The following SMARCB1 variants were observed in gnomAD, a reference collection of about 807,000 sequenced individuals.
SMARCB1 encodes SWI/SNF-related matrix-associated actin-dependent regulator of chromatin subfamily B member 1.
SMARCB1 carries 5 observed loss-of-function variants against 49.0 expected under a neutral mutation model. The ratio of observed to expected loss-of-function variants is 0.10; its 90% confidence interval spans 0.05 to 0.21. The LOEUF is 0.21. Among genes scored for constraint, SMARCB1 ranks in the 10% least tolerant of loss-of-function variants. The probability of loss-of-function intolerance (pLI) is 1.00; values close to 1 mark genes in which losing one functional copy is unlikely to be tolerated. For synonymous variants in SMARCB1, 201 were observed against 200.1 expected (o/e 1.00, Z -0.04); for missense variants, 226 against 509.2 (o/e 0.44, Z 5.35).
At chr22:23,792,463 G>A (rs1433018367) in intron 2 of SMARCB1, 1 of 222,454 alleles carries the variant, frequency 4.5e-6, no homozygotes, top group Non-Finnish European at 9.1e-6. Flanking sequence ...CAGGGTGAAA[G>A]GGTGCTCTTC....
chr22:23,827,983 CAG>C (rs2030471229), intron 7 of SMARCB1, among the ~76,000 whole-genome samples: 1 of 152,222 alleles, frequency 6.6e-6, no homozygotes, highest in African/African-American at 2.4e-5. Flanking sequence ...AGTCAGCCCA[CAG>C]AGAGCTAGAC....
chr22:23,792,982 G>C, intron 2 of SMARCB1: 1 of 174,320 alleles, frequency 5.7e-6, no homozygotes, highest in Non-Finnish European at 1.3e-5. Flanking sequence ...GCTAGGGGTC[G>C]AGCTGCCTAG....
intron 1 of SMARCB1, among the ~76,000 whole-genome samples, chr22:23,788,380 T>C (rs1396512665): frequency 1.3e-5 from 2 of 152,236 alleles, no homozygotes; most frequent in African/African-American, 4.8e-5. Flanking sequence ...CTTCTCCTTA[T>C]AGCAGTTTTT....
At chr22:23,826,525 A>G (rs2030390993) in intron 7 of SMARCB1, among the ~76,000 whole-genome samples, 1 of 151,712 alleles carries the variant, frequency 6.6e-6, no homozygotes, top group African/African-American at 2.4e-5. Flanking sequence ...CTGTGTTGGG[A>G]TGGGGTGGGG....
chr22:23,823,127 T>C (rs1473379697), intron 6 of SMARCB1: 1 of 152,122 alleles, frequency 6.6e-6, no homozygotes, highest in African/African-American at 2.4e-5. Flanking sequence ...GAACAGCCTT[T>C]TGAATGTTTG....
chr22:23,806,690 G>C (rs1224847475), intron 5 of SMARCB1, among the ~76,000 whole-genome samples: 2 of 152,148 alleles, frequency 1.3e-5, no homozygotes, highest in South Asian at 2.1e-4. Context: ...GGGAGGGTGA[G>C]GTGGGAAGAT....
At chr22:23,810,527 C>CAAAAAAAA (rs201408640) in intron 5 of SMARCB1, among the ~76,000 whole-genome samples, 6 of 79,514 alleles carry the variant, frequency 7.5e-5, no homozygotes, top group South Asian at 6.1e-4. Flanking sequence ...GACTCTGTCT[C>CAAAAAAAA]AAAAAAAAAA....
intron 5 of SMARCB1, among the ~76,000 whole-genome samples, chr22:23,810,943 G>A (rs1929832006): frequency 6.6e-6 from 1 of 151,584 alleles, no homozygotes; most frequent in Non-Finnish European, 1.5e-5. Flanking sequence ...AGCTGTGGCA[G>A]GGATAATTGC....
At chr22:23,817,301 G>A (rs1253424750) in intron 6 of SMARCB1, 1 of 366,646 alleles carries the variant, frequency 2.7e-6, no homozygotes, top group African/African-American at 2.1e-5. Flanking sequence ...TACAGGTGAA[G>A]AGGTGGGCAC....
In SMARCB1 at chr22:23,830,486, T is replaced by C. The variant is rs144596009; in HGVS notation, c.987-3086T>C. Among the ~76,000 whole-genome samples the C allele has an allele frequency of 3.1e-3, 470 of 152,312 alleles. 3 individuals carry two copies. The highest frequency in any genetic ancestry group is 0.022 in the South Asian group (107 of 4,822). On this transcript the variant is annotated intron_variant, in intron 7 of 8. Transcript: ENST00000644036. ...AGTTTCTTAATTGGGTTTTATTTTA[T>C]TGTTGAGTTGTAATTGTTCTTTATA...
chr22:23,797,611 T>TTTG (rs1928854992), intron 3 of SMARCB1, among the ~76,000 whole-genome samples: 2 of 68,138 alleles, frequency 2.9e-5, no homozygotes, highest in Non-Finnish European at 2.7e-5. Context: ...CGCCTGGCCT[T>TTTG]TTTTTTTTTT....
chr22:23,788,024 A>G (rs912451031), intron 1 of SMARCB1, among the ~76,000 whole-genome samples: 9 of 152,222 alleles, frequency 5.9e-5, no homozygotes, highest in Non-Finnish European at 1.0e-4. Context: ...TGTTTGTTCC[A>G]AGTCTATTAG....
At chr22:23,802,982 C>A in intron 4 of SMARCB1, 1 of 461,164 alleles carries the variant, frequency 2.2e-6, no homozygotes, top group South Asian at 2.1e-5. Flanking sequence ...TTCCCATAGC[C>A]TTCCATGAAA....
rs372554198 is a variant in SMARCB1, at chr22:23,836,999, C to T, written c.*2819C>T. 6.2e-7 allele frequency: 1 copy of T among 1,611,398 alleles called. No individual in the cohort carries two copies. Among genetic ancestry groups the T allele is most frequent in the Non-Finnish European group, 8.5e-7 (1 of 1,178,736 alleles). Reference sequence around the variant, plus strand: ...GGCCCGTGTTGAGCACAGGCCAGCACAGGTCCCCATCGGTGGGGATCCTTC... The same window carrying T: ...GGCCCGTGTTGAGCACAGGCCAGCATAGGTCCCCATCGGTGGGGATCCTTC... On this transcript the variant is annotated 3_prime_UTR_variant, in exon 9 of 9. Coordinates refer to ENST00000644036, the MANE Select transcript of SMARCB1 (RefSeq NM_003073.5).
At chr22:23,822,221 C>T (rs1355431425) in intron 6 of SMARCB1, among the ~76,000 whole-genome samples, 1 of 152,246 alleles carries the variant, frequency 6.6e-6, no homozygotes, top group Non-Finnish European at 1.5e-5. Context: ...GTCGGCTTTG[C>T]CCAGTTCCAG....
chr22:23,834,459 G>A lies in SMARCB1; in HGVS notation c.*279G>A, dbSNP rs886057287. The A allele has an allele frequency of 7.3e-5, 48 of 660,890 alleles. No homozygotes were observed. In the East Asian group the frequency reaches 1.4e-3, roughly 19 times the overall value. The allele number at this position is 660,890 out of a possible 1,614,324, so 40.9% of individuals were successfully genotyped here. A position where few individuals can be genotyped will look rare whatever the true frequency, so the allele number is the denominator to read the frequency against. ...GTTTTGTTTTTGTATAGGAGCCCCA[G>A]GCAGGGCTAGTAACAGTTTTTAAAT... is the stretch of plus-strand genomic sequence containing the variant. On this transcript the variant is annotated 3_prime_UTR_variant, in exon 9 of 9. Coordinates refer to ENST00000644036, the MANE Select transcript of SMARCB1 (RefSeq NM_003073.5).
intron 6 of SMARCB1, among the ~76,000 whole-genome samples, chr22:23,821,015 ATTG>A (rs955028311): frequency 2.0e-5 from 3 of 152,238 alleles, no homozygotes; most frequent in Admixed American, 6.5e-5. Context: ...GCCCATTTTC[ATTG>A]TTGTTGTCTT....
chr22:23,794,136 T>C (rs2145965827), intron 3 of SMARCB1, among the ~76,000 whole-genome samples: 1 of 152,112 alleles, frequency 6.6e-6, no homozygotes, highest in Admixed American at 6.6e-5. Context: ...TAGAGACGAG[T>C]CTCTCCATGT....
Position 23,793,674 on chromosome 22 carries a change from C to G in SMARCB1, c.348C>G (p.Pro116=), listed in dbSNP as rs888616162. 6.2e-7 allele frequency: 1 copy of G among 1,614,182 alleles called. No individual in the cohort carries two copies. The highest frequency in any genetic ancestry group is 1.3e-5 in the African/African-American group (1 of 75,052). The change falls in exon 3 of 9, where the codon CCC becomes CCG. Residue 116 remains proline (P), a synonymous_variant. Transcript: ENST00000644036. ...AGGCTGTGTCCATCAGCACAGAGCC[C>G]CCCACCTACCTCAGGTAATGCGTTC... is the stretch of plus-strand genomic sequence containing the variant. The part of the protein sequence containing the change: ...KYKAVSISTE[P]PTYLREQKAK...
Sources: allele counts gnomAD v4.1 joint callset (sites outside exome capture counted in the v4.1 genomes callset), GRCh38; gene constraint gnomAD v4.1.1; transcripts MANE v1.5; gene names NCBI Gene and HGNC (gene_info 2026-07-23, HGNC 2026-07-21).